Variants in MRC2 observed in about 807,000 individuals in gnomAD.
The protein encoded by MRC2 is mannose receptor C-type 2.
In MRC2, 84 loss-of-function variants were observed where a neutral mutation model predicts 206.2. The observed-to-expected ratio is 0.41, with a 90% confidence interval of 0.34 to 0.49. The LOEUF is 0.49. Among genes scored for constraint, MRC2 ranks in the 20% least tolerant of loss-of-function variants. MRC2 has a pLI of 0.31. For missense variants in MRC2, 1,676 were observed against 2,001.5 expected (o/e 0.84, Z 3.10); for synonymous variants, 798 against 800.0 (o/e 1.00, Z 0.04).
Position 62,692,576 on chromosome 17 carries a change from G to A in MRC2, c.*125G>A. 3 of 1,005,944 alleles carry A rather than the reference G, an allele frequency of 3.0e-6. No homozygotes were observed. The highest frequency in any genetic ancestry group is 4.9e-5 in the Admixed American group (2 of 41,170). 62.3% of individuals were successfully genotyped at this position (1,005,944 alleles called of 1,614,324 possible). On this transcript the variant is annotated 3_prime_UTR_variant, in exon 30 of 30. Coordinates refer to ENST00000303375, the MANE Select transcript of MRC2 (RefSeq NM_006039.5). This position sits in a 1 kb window ranked among gnomAD's most constrained non-coding sequence, Gnocchi z 4.2. ...AAGGGTGCCCTTGGGAGTCGCTGTT[G>A]GGAGCCGGAGCTGGGCAGAGCCTGG... is the stretch of plus-strand genomic sequence containing the variant.
At chr17:62,689,050 C>A in intron 23 of MRC2, 90 bp downstream of exon 23, 1 of 1,063,020 alleles carries the variant, frequency 9.4e-7, no homozygotes, top group East Asian at 2.5e-5. Context: ...GAATCATGGT[C>A]CCTGGCAGAG....
Position 62,680,638 on chromosome 17 carries a change from G to A in MRC2, c.2474-162G>A. 1 of 1,230,796 alleles carries A rather than the reference G, an allele frequency of 8.1e-7. No homozygotes were observed. Among genetic ancestry groups the A allele is most frequent in the Non-Finnish European group, 1.1e-6 (1 of 910,232 alleles). 76.2% of individuals were successfully genotyped at this position (1,230,796 alleles called of 1,614,324 possible). On this transcript the variant is annotated intron_variant, in intron 16 of 29. Coordinates refer to ENST00000303375, the MANE Select transcript of MRC2 (RefSeq NM_006039.5). The surrounding 1 kb of genome is among the most constrained non-coding windows in gnomAD (Gnocchi z 4.8). ...TGCTTCCGTGTGGGAGGCGAGGCAA[G>A]CCTGGGGCCTGGGGCCTGGCACGGT... is the stretch of plus-strand genomic sequence containing the variant.
Position 62,675,797 on chromosome 17 carries a change from C to G in MRC2, c.1577C>G (p.Thr526Arg). Residue 526 changes from threonine to arginine, a missense_variant, in exon 10 of 30, where the codon ACG becomes AGG. By Grantham distance (71) the Thr-to-Arg change is moderately conservative. Around this residue, in one of 3 missense-constraint regions of MRC2, gnomAD observed 1,354 missense variants for 1,636.6 expected, o/e 0.83. Transcript: ENST00000303375. The surrounding 1 kb of genome is among the most constrained non-coding windows in gnomAD (Gnocchi z 4.1). ...EEDHGCRKGW[T>R]WHSPSCYWLG... ...TGTCCACTCTTGAGCCAGGGTTGGA[C>G]GTGGCACAGCCCATCCTGCTACTGG... 1.2e-6 allele frequency: 2 copies of G among 1,614,018 alleles called. No homozygotes were observed. The highest frequency in any genetic ancestry group is 1.7e-6 in the Non-Finnish European group (2 of 1,179,896).
chr17:62,666,974 G>A lies in MRC2; in HGVS notation c.973+104G>A. On this transcript the variant is annotated intron_variant, in intron 5 of 29. Coordinates refer to ENST00000303375, the MANE Select transcript of MRC2 (RefSeq NM_006039.5). This position sits in a 1 kb window ranked among gnomAD's most constrained non-coding sequence, Gnocchi z 5.0. ...GTCCTCCTGCAGAGGGGCAGTGTGGGTAGGGGAAGCACCGACCTCCACCCC... is the reference window on the plus strand; with the variant it reads ...GTCCTCCTGCAGAGGGGCAGTGTGGATAGGGGAAGCACCGACCTCCACCCC... 2 of 905,144 alleles carry A rather than the reference G, an allele frequency of 2.2e-6. No homozygotes were observed. The allele number at this position is 905,144 out of a possible 1,614,324, so 56.1% of individuals were successfully genotyped here.
chr17:62,652,734 G>A lies in MRC2; in HGVS notation c.119-11814G>A, dbSNP rs1277992594. ...GGAGGGAGGGGCGCCCAGTGGAGAGGGGGCTCACGGTGACAGAGGAAGTGG... is the reference window on the plus strand; with the variant it reads ...GGAGGGAGGGGCGCCCAGTGGAGAGAGGGCTCACGGTGACAGAGGAAGTGG... On this transcript the variant is annotated intron_variant, in intron 1 of 29. Transcript: ENST00000303375. This position sits in a 1 kb window ranked among gnomAD's most constrained non-coding sequence, Gnocchi z 4.6. 1.3e-5 allele frequency among the ~76,000 whole-genome samples: 2 copies of A among 149,936 alleles called. No homozygotes were observed. The highest frequency in any genetic ancestry group is 3.0e-5 in the Non-Finnish European group (2 of 67,370).
rs376596885 is a variant in MRC2 at position 62,632,095 on chromosome 17, C to T, written c.118+4175C>T. On this transcript the variant is annotated intron_variant, in intron 1 of 29. Transcript: ENST00000303375. ...GGGGTGGGCCAGTGGGGTGGTGACG[C>T]GCTCCTGGAGCTCACCCTGGGCCCT... Among the ~76,000 whole-genome samples the T allele has an allele frequency of 2.8e-3, 420 of 152,188 alleles. 1 individual carries two copies. Among genetic ancestry groups the T allele is most frequent in the Non-Finnish European group, 4.7e-3 (320 of 67,996 alleles).
chr17:62,674,574 G>A (rs953756748), intron 9 of MRC2, among the ~76,000 whole-genome samples: 25 of 152,162 alleles, frequency 1.6e-4, no homozygotes, highest in African/African-American at 5.1e-4. Flanking sequence ...CTCCTCTGCC[G>A]TCTGACACAG....
rs932744893 is a variant in MRC2 at position 62,667,011 on chromosome 17, T to G, written c.973+141T>G. 1 of 706,700 alleles carries G rather than the reference T, an allele frequency of 1.4e-6. No individual in the cohort carries two copies. The highest frequency in any genetic ancestry group is 2.4e-6 in the Non-Finnish European group (1 of 413,558). 43.8% of individuals were successfully genotyped at this position (706,700 alleles called of 1,614,324 possible). On this transcript the variant is annotated intron_variant, in intron 5 of 29. Coordinates refer to ENST00000303375, the MANE Select transcript of MRC2 (RefSeq NM_006039.5). This position sits in a 1 kb window ranked among gnomAD's most constrained non-coding sequence, Gnocchi z 4.1. ...CCGACCTCCACCCCCCTCCCCAGAC[T>G]GCGCCCCCCTAGCCCATGTAGGGCG...
rs780032067 is a variant in MRC2 at position 62,688,417 on chromosome 17, A to C, written c.3061+14A>C. On this transcript the variant is annotated intron_variant, in intron 21 of 29. Transcript: ENST00000303375. Reference sequence around the variant, plus strand: ...CCTTAGAGCAAGGTAGGGCCAGCCTATGGGGAGCCCCCAGTATCCTCTGAC... The same window carrying C: ...CCTTAGAGCAAGGTAGGGCCAGCCTCTGGGGAGCCCCCAGTATCCTCTGAC... 1 of 1,614,114 alleles carries C rather than the reference A, an allele frequency of 6.2e-7. No individual in the cohort carries two copies. The highest frequency in any genetic ancestry group is 1.7e-5 in the Admixed American group (1 of 60,036).
chr17:62,638,549 A>C (rs1017828533), intron 1 of MRC2, among the ~76,000 whole-genome samples: 3 of 151,688 alleles, frequency 2.0e-5, no homozygotes, highest in Admixed American at 6.6e-5. Context: ...ACCAGCCTGG[A>C]CAACATGGTG....
intron 18 of MRC2, chr17:62,681,360 C>G: frequency 5.1e-6 from 3 of 593,016 alleles, no homozygotes; most frequent in Non-Finnish European, 9.0e-6. Flanking sequence ...GAAGTGCTTA[C>G]GCAGCATCCA....
At chr17:62,628,871 C>T (rs1375657902) in intron 1 of MRC2, among the ~76,000 whole-genome samples, 1 of 152,066 alleles carries the variant, frequency 6.6e-6, no homozygotes, top group East Asian at 1.9e-4. Context: ...CAGCTTGGTC[C>T]TGCTGGCTGT....
intron 1 of MRC2, among the ~76,000 whole-genome samples, chr17:62,657,222 G>A (rs2088628592): frequency 6.6e-6 from 1 of 152,220 alleles, no homozygotes; most frequent in South Asian, 2.1e-4. Context: ...TGTCTTCATT[G>A]TAGAGCCCAG....
rs1203997659 is a variant in MRC2, at chr17:62,667,548, G to C, written c.1117+15G>C. 1 of 1,599,344 alleles carries C rather than the reference G, an allele frequency of 6.3e-7. No individual in the cohort carries two copies. Among genetic ancestry groups the C allele is most frequent in the African/African-American group, 1.3e-5 (1 of 74,292 alleles). Reference sequence around the variant, plus strand: ...CACCCCTCCAGGTGAGCCAGGGACTGTGCCGCAGGGTGGGGAGGGGCTCCC... The same window carrying C: ...CACCCCTCCAGGTGAGCCAGGGACTCTGCCGCAGGGTGGGGAGGGGCTCCC... On this transcript the variant is annotated intron_variant, in intron 6 of 29. Coordinates refer to ENST00000303375, the MANE Select transcript of MRC2 (RefSeq NM_006039.5). The surrounding 1 kb of genome is among the most constrained non-coding windows in gnomAD (Gnocchi z 4.1).
intron 1 of MRC2, among the ~76,000 whole-genome samples, chr17:62,658,053 A>G (rs1331661877): frequency 6.6e-6 from 1 of 152,022 alleles, no homozygotes; most frequent in Admixed American, 6.5e-5. Flanking sequence ...GCCAAATGAG[A>G]AAATGCAAGA....
At chr17:62,629,367 G>A (rs2084197896) in intron 1 of MRC2, among the ~76,000 whole-genome samples, 1 of 152,222 alleles carries the variant, frequency 6.6e-6, no homozygotes, top group South Asian at 2.1e-4. Context: ...TCATAGAGGG[G>A]GCTGGAAGTG....
intron 19 of MRC2, 81 bp from the exon 20 acceptor site, chr17:62,682,154 G>A: frequency 7.1e-7 from 1 of 1,405,312 alleles, no homozygotes; most frequent in Non-Finnish European, 9.5e-7. Context: ...TCCTCTCAGG[G>A]CATGAGGCTG....
At chr17:62,649,748 A>G (rs2147447185) in intron 1 of MRC2, among the ~76,000 whole-genome samples, 1 of 152,088 alleles carries the variant, frequency 6.6e-6, no homozygotes, top group Middle Eastern at 3.4e-3. Context: ...AATGTGTCTC[A>G]TGTCTCCTAT....
chr17:62,663,940 C>A (rs1598981753), intron 1 of MRC2, among the ~76,000 whole-genome samples: 1 of 148,772 alleles, frequency 6.7e-6, no homozygotes, highest in East Asian at 2.0e-4. Context: ...GGTGATGTGC[C>A]GGGTGGAGTT....
Sources: allele counts gnomAD v4.1 joint callset (sites outside exome capture counted in the v4.1 genomes callset), GRCh38; gene constraint gnomAD v4.1.1; regional missense constraint gnomAD v4.1.1; non-coding constraint Gnocchi (gnomAD v3.1); transcripts MANE v1.5; gene names NCBI Gene and HGNC (gene_info 2026-07-23, HGNC 2026-07-21).